TRIM44: variants seen among roughly 807,000 people sequenced by gnomAD.
The protein encoded by TRIM44 is tripartite motif-containing protein 44.
A neutral mutation model predicts 37.4 loss-of-function variants in TRIM44; 13 were observed. The ratio of observed to expected loss-of-function variants is 0.35; its 90% confidence interval spans 0.23 to 0.55. The LOEUF (loss-of-function observed/expected upper bound fraction) is 0.55. Among genes scored for constraint, TRIM44 ranks in the 20% least tolerant of loss-of-function variants. The pLI is 0.89. For synonymous variants in TRIM44, 175 were observed against 157.2 expected (o/e 1.11, Z -0.85); for missense variants, 426 against 437.2 (o/e 0.97, Z 0.23).
At chr11:35,797,493 A>G (rs1369513499) in intron 4 of TRIM44, among the ~76,000 whole-genome samples, 1 of 152,218 alleles carries the variant, frequency 6.6e-6, no homozygotes, top group African/African-American at 2.4e-5. Flanking sequence ...TAGCCATACC[A>G]TAGAAAAACA....
At chr11:35,736,747 G>T (rs748344190) in intron 4 of TRIM44, among the ~76,000 whole-genome samples, 2 of 152,146 alleles carry the variant, frequency 1.3e-5, no homozygotes, top group Non-Finnish European at 2.9e-5. Flanking sequence ...TAGGCATCTT[G>T]CTTTAAACCT....
chr11:35,664,297 T>G (rs546841717), intron 1 of TRIM44, among the ~76,000 whole-genome samples: 1 of 152,174 alleles, frequency 6.6e-6, no homozygotes, highest in Non-Finnish European at 1.5e-5. Flanking sequence ...TGTTTGAAAC[T>G]TAGTAGAAAA....
intron 2 of TRIM44, among the ~76,000 whole-genome samples, chr11:35,706,103 G>A (rs2970322): frequency 0.35 from 51,903 of 148,088 alleles, 13,395 homozygotes; most frequent in African/African-American, 0.59. Context: ...CCACAGAAAT[G>A]CAAACTATCA....
intron 3 of TRIM44, among the ~76,000 whole-genome samples, chr11:35,734,091 G>A (rs561046527): frequency 1.4e-4 from 21 of 152,184 alleles, no homozygotes; most frequent in Non-Finnish European, 2.6e-4. Flanking sequence ...AACACATTTA[G>A]TAATAGTTCA....
At position 35,707,446 on chromosome 11, in the gene TRIM44, G is replaced by T. The variant is rs548257323; in HGVS notation, c.748-18478G>T. Among the ~76,000 whole-genome samples the T allele has an allele frequency of 5.3e-5, 8 of 152,050 alleles. No homozygotes were observed. The South Asian group carries it at 1.7e-3, about 32-fold the overall frequency. On this transcript the variant is annotated intron_variant, in intron 2 of 4. Coordinates refer to ENST00000299413, the MANE Select transcript of TRIM44 (RefSeq NM_017583.6). ...TTCATATGGAACCAAAAAAGAGCCC[G>T]CATCACCAAGTCAATTGTAAGCCAA...
intron 1 of TRIM44, among the ~76,000 whole-genome samples, chr11:35,673,464 T>G (rs990099143): frequency 2.0e-5 from 3 of 152,212 alleles, no homozygotes; most frequent in Non-Finnish European, 4.4e-5. Context: ...ATTGAATGTG[T>G]TGTTAGCATA....
chr11:35,792,064 G>C (rs993470526), intron 4 of TRIM44, among the ~76,000 whole-genome samples: 3 of 92,648 alleles, frequency 3.2e-5, no homozygotes, highest in Non-Finnish European at 6.5e-5. Context: ...TTCCTGAGGA[G>C]TTGCCCCTAC....
At chr11:35,717,013 G>A (rs1852046604) in intron 2 of TRIM44, among the ~76,000 whole-genome samples, 1 of 152,178 alleles carries the variant, frequency 6.6e-6, no homozygotes, top group Non-Finnish European at 1.5e-5. Flanking sequence ...AGGTAGCAGT[G>A]ATAATGAATG....
At chr11:35,706,751 TG>T (rs1247828422) in intron 2 of TRIM44, among the ~76,000 whole-genome samples, 2 of 151,926 alleles carry the variant, frequency 1.3e-5, no homozygotes, top group African/African-American at 4.8e-5. Context: ...TAGGTATTGA[TG>T]GGACATATCT....
intron 4 of TRIM44, among the ~76,000 whole-genome samples, chr11:35,751,131 G>T (rs1295612575): frequency 6.6e-6 from 1 of 152,146 alleles, no homozygotes; most frequent in Non-Finnish European, 1.5e-5. Flanking sequence ...TTAAATGAAT[G>T]AATGAATCAG....
intron 2 of TRIM44, among the ~76,000 whole-genome samples, chr11:35,701,740 A>T (rs527981714): frequency 1.3e-5 from 2 of 152,330 alleles, no homozygotes; most frequent in East Asian, 1.9e-4. Context: ...GACGCAAAGC[A>T]TACTGGATTC....
chr11:35,768,870 T>C (rs1050129808), intron 4 of TRIM44, among the ~76,000 whole-genome samples: 1 of 152,214 alleles, frequency 6.6e-6, no homozygotes, highest in African/African-American at 2.4e-5. Flanking sequence ...TGCAAATTGA[T>C]GGGTCATCAG....
intron 2 of TRIM44, among the ~76,000 whole-genome samples, chr11:35,706,726 A>G (rs983404013): frequency 6.6e-6 from 1 of 152,000 alleles, no homozygotes; most frequent in African/African-American, 2.4e-5. Flanking sequence ...TTCATGCTAA[A>G]AACTCTCAAT....
At chr11:35,705,676 A>G (rs375639962) in intron 2 of TRIM44, among the ~76,000 whole-genome samples, 2,352 of 139,410 alleles carry the variant, frequency 0.017, 197 homozygotes, top group Middle Eastern at 0.022. Context: ...GGTACATAAC[A>G]AAATGAAGGC....
intron 4 of TRIM44, among the ~76,000 whole-genome samples, chr11:35,745,380 A>G (rs1478517552): frequency 6.6e-6 from 1 of 151,976 alleles, no homozygotes; most frequent in Non-Finnish European, 1.5e-5. Flanking sequence ...TTTTCTTGTA[A>G]ATTTGTTTAA....
At chr11:35,742,359 A>G (rs1209533899) in intron 4 of TRIM44, among the ~76,000 whole-genome samples, 2 of 143,722 alleles carry the variant, frequency 1.4e-5, no homozygotes, top group Non-Finnish European at 1.5e-5. Flanking sequence ...TATATTATCT[A>G]TATATATGGA....
intron 1 of TRIM44, among the ~76,000 whole-genome samples, chr11:35,669,217 C>T (rs3858476): frequency 0.013 from 1,953 of 152,282 alleles, 44 homozygotes; most frequent in African/African-American, 0.044. Context: ...GAGAGTACAA[C>T]TTGTTTAGAA....
intron 2 of TRIM44, among the ~76,000 whole-genome samples, chr11:35,718,807 C>T (rs1192198585): frequency 2.0e-5 from 3 of 151,942 alleles, no homozygotes; most frequent in Non-Finnish European, 4.4e-5. Context: ...TAGTTGATTC[C>T]AAGCCTTTTA....
chr11:35,686,508 T>C (rs1851584124), intron 2 of TRIM44, among the ~76,000 whole-genome samples: 1 of 152,120 alleles, frequency 6.6e-6, no homozygotes, highest in Non-Finnish European at 1.5e-5. Context: ...AGTGTACAGT[T>C]CAATGGCATT....
Sources: gnomAD v4.1 joint callset for allele counts (sites outside exome capture counted in the v4.1 genomes callset) on GRCh38, gnomAD v4.1.1 for gene constraint, MANE v1.5 for transcripts, NCBI Gene and HGNC (gene_info 2026-07-23, HGNC 2026-07-21) for gene names.